Variants in LIMS2 observed in about 807,000 individuals in gnomAD.
The protein encoded by LIMS2 is LIM and senescent cell antigen-like-containing domain protein 2.
LIMS2 carries 30 observed loss-of-function variants against 45.3 expected under a neutral mutation model. The observed-to-expected ratio is 0.66, with a 90% CI of 0.50 to 0.90. The LOEUF (loss-of-function observed/expected upper bound fraction) is 0.90, where lower values mean the gene tolerates loss of function less well. Among genes scored for constraint, LIMS2 ranks in the 40% least tolerant of loss-of-function variants. LIMS2 has a pLI of 0.00. For synonymous variants in LIMS2, 173 were observed against 188.0 expected, an observed-to-expected ratio of 0.92 and a Z score of 0.65; for missense variants, 485 against 468.7, an observed-to-expected ratio of 1.03 and a Z score of -0.32.
chr2:127,640,334 G>C lies in LIMS2; in HGVS notation c.754-16C>G. ...CCCCGAAGAGCTGTGGGCCGAGCAGGCTGTCAGAGTAGCTGCAGGCAGTCA... is the reference window on the plus strand; with the variant it reads ...CCCCGAAGAGCTGTGGGCCGAGCAGCCTGTCAGAGTAGCTGCAGGCAGTCA... On this transcript the variant is annotated splice_polypyrimidine_tract_variant and intron_variant, in intron 7 of 9. Coordinates refer to ENST00000355119, the MANE Select transcript of LIMS2 (RefSeq NM_001161403.3). The C allele has an allele frequency of 6.2e-7, 1 of 1,611,938 alleles. No individual in the cohort carries two copies. The highest frequency in any genetic ancestry group is 1.3e-5 in the African/African-American group (1 of 75,020).
At position 127,651,862 on chromosome 2, in the gene LIMS2, C is replaced by T. The variant is rs534431195; in HGVS notation, c.359+2562G>A. The T allele has an allele frequency of 4.0e-6, 4 of 1,008,040 alleles. No homozygotes were observed. The East Asian group carries it at 1.0e-4, about 25-fold the overall frequency. The allele number at this position is 1,008,040 out of a possible 1,614,324, so 62.4% of individuals were successfully genotyped here. A position where few individuals can be genotyped will look rare whatever the true frequency, so the allele number is the denominator to read the frequency against. ...ACCTCCCCAGCAAGCAACCTGAAAT[C>T]TCAGCAGATGCCCACCATTTCTCTA... On this transcript the variant is annotated intron_variant, in intron 4 of 9. Transcript: ENST00000355119.
At chr2:127,650,677 T>C (rs1683655598) in intron 4 of LIMS2, 2 of 1,429,864 alleles carry the variant, frequency 1.4e-6, no homozygotes, top group East Asian at 2.3e-5. Flanking sequence ...GCTGCCTAGA[T>C]CGCAAGCTCA....
At chr2:127,678,181 C>T (rs928601335), upstream of LIMS2, among the ~76,000 whole-genome samples, 1 of 152,074 alleles carries the variant, frequency 6.6e-6, no homozygotes, top group Non-Finnish European at 1.5e-5. The surrounding 1 kb of genome is among the most constrained non-coding windows in gnomAD (Gnocchi z 5.3). Context: ...GTGGTGGATC[C>T]CCGTAGTCCC....
chr2:127,660,926 G>A (rs1684601152), intron 1 of LIMS2, among the ~76,000 whole-genome samples: 1 of 151,754 alleles, frequency 6.6e-6, no homozygotes, highest in Non-Finnish European at 1.5e-5. Flanking sequence ...CATAGGTGGG[G>A]GTGGGGGGGG....
At chr2:127,651,797 T>A in intron 4 of LIMS2, 2 of 1,566,480 alleles carry the variant, frequency 1.3e-6, no homozygotes, top group Non-Finnish European at 1.7e-6. Context: ...TGTTTAGGAC[T>A]CAGCAGACCC....
intron 7 of LIMS2, chr2:127,640,637 G>C: frequency 1.7e-6 from 1 of 597,610 alleles, no homozygotes; most frequent in Non-Finnish European, 3.0e-6. Context: ...AAGGGAGGGA[G>C]GGGGTTGCTG....
At chr2:127,639,712 C>T (rs560666974) in intron 9 of LIMS2, among the ~76,000 whole-genome samples, 3 of 152,226 alleles carry the variant, frequency 2.0e-5, no homozygotes, top group African/African-American at 7.2e-5. Flanking sequence ...TCTCCCAGCT[C>T]CAGCCATCCC....
At chr2:127,666,661 C>T (rs1685016944) in intron 1 of LIMS2, among the ~76,000 whole-genome samples, 1 of 142,504 alleles carries the variant, frequency 7.0e-6, no homozygotes, top group African/African-American at 2.7e-5. Flanking sequence ...TTAAGAACTT[C>T]ATGAGACTCG....
intron 4 of LIMS2, among the ~76,000 whole-genome samples, chr2:127,654,164 G>A (rs1206557337): frequency 6.6e-6 from 1 of 152,126 alleles, no homozygotes; most frequent in Non-Finnish European, 1.5e-5. Context: ...TAGATGGGGT[G>A]GCCAGGGGGG....
intron 1 of LIMS2, among the ~76,000 whole-genome samples, chr2:127,662,755 G>A (rs1684759649): frequency 6.6e-6 from 1 of 151,836 alleles, no homozygotes; most frequent in Non-Finnish European, 1.5e-5. Context: ...GAACAAACCT[G>A]CAGGTTGTGC....
chr2:127,660,207 T>A (rs1360452254), intron 1 of LIMS2, among the ~76,000 whole-genome samples: 1 of 152,124 alleles, frequency 6.6e-6, no homozygotes, highest in African/African-American at 2.4e-5. Flanking sequence ...CAATCAGCAC[T>A]CTATAAAATA....
chr2:127,659,269 T>C (rs573875339), intron 1 of LIMS2, among the ~76,000 whole-genome samples: 1 of 152,328 alleles, frequency 6.6e-6, no homozygotes, highest in Non-Finnish European at 1.5e-5. Flanking sequence ...TGGCCTGCCC[T>C]CTGGGGTGCT....
rs1683092219 is a variant in LIMS2, at chr2:127,647,262, C to T, written c.360-4190G>A. 6.6e-6 allele frequency among the ~76,000 whole-genome samples: 1 copy of T among 152,178 alleles called. No individual in the cohort carries two copies. The highest frequency in any genetic ancestry group is 6.5e-5 in the Admixed American group (1 of 15,286). ...CCCAGGGCCAGGAGGGGGTGCTGAG[C>T]CTGGGAGACAACTCCATGGCAAACT... On this transcript the variant is annotated intron_variant, in intron 4 of 9. Transcript: ENST00000355119. This position sits in a 1 kb window ranked among gnomAD's most constrained non-coding sequence, Gnocchi z 4.3.
chr2:127,667,496 C>A lies in LIMS2; in HGVS notation c.11+7518G>T, dbSNP rs1290795958. On this transcript the variant is annotated intron_variant, in intron 1 of 9. Coordinates refer to ENST00000355119, the MANE Select transcript of LIMS2 (RefSeq NM_001161403.3). This position sits in a 1 kb window ranked among gnomAD's most constrained non-coding sequence, Gnocchi z 4.1. ...AACACTCTATAAAAAGTATTATACA[C>A]CGTGACCAAATGGGATTTATCCCAA... is the stretch of plus-strand genomic sequence containing the variant. Among the ~76,000 whole-genome samples, 2 of 152,200 alleles carry A rather than the reference C, an allele frequency of 1.3e-5. No homozygotes were observed. The highest frequency in any genetic ancestry group is 6.5e-5 in the Admixed American group (1 of 15,280).
intron 1 of LIMS2, among the ~76,000 whole-genome samples, chr2:127,663,902 C>T (rs1684839319): frequency 6.6e-6 from 1 of 152,202 alleles, no homozygotes; most frequent in Non-Finnish European, 1.5e-5. Context: ...ATCCTGAACC[C>T]CACTGCTGGA....
chr2:127,649,878 T>C, intron 4 of LIMS2: 1 of 732,060 alleles, frequency 1.4e-6, no homozygotes. Context: ...TGACGCTGGG[T>C]AAAATGGGTC....
At chr2:127,650,299 G>A in intron 4 of LIMS2, 1 of 576,950 alleles carries the variant, frequency 1.7e-6, no homozygotes, top group East Asian at 2.9e-5. Flanking sequence ...TGGAATCCCG[G>A]AGACACACTG....
chr2:127,664,412 T>A lies in LIMS2; in HGVS notation c.12-6850A>T, dbSNP rs560148948. The A allele has an allele frequency of 2.5e-6, 3 of 1,195,682 alleles. No homozygotes were observed. The highest frequency in any genetic ancestry group is 4.5e-5 in the Admixed American group (1 of 22,400). The allele number at this position is 1,195,682 out of a possible 1,614,324, so 74.1% of individuals were successfully genotyped here. A position where few individuals can be genotyped will look rare whatever the true frequency, so the allele number is the denominator to read the frequency against. On this transcript the variant is annotated intron_variant, in intron 1 of 9. Coordinates refer to ENST00000355119, the MANE Select transcript of LIMS2 (RefSeq NM_001161403.3). This position sits in a 1 kb window ranked among gnomAD's most constrained non-coding sequence, Gnocchi z 5.5. Reference sequence around the variant, plus strand: ...ATGGCGCGGGGCAGCCGCCTTGAGGTCGCGGGCGCGGGCCGCCTGGTGCAG... The same window carrying A: ...ATGGCGCGGGGCAGCCGCCTTGAGGACGCGGGCGCGGGCCGCCTGGTGCAG...
intron 1 of LIMS2, chr2:127,674,683 C>A: frequency 3.0e-6 from 3 of 985,464 alleles, no homozygotes; most frequent in Non-Finnish European, 3.6e-6. Context: ...ACCTTTGAAC[C>A]TTTTGCCCGT....
Sources: allele counts gnomAD v4.1 joint callset (sites outside exome capture counted in the v4.1 genomes callset), GRCh38; gene constraint gnomAD v4.1.1; non-coding constraint Gnocchi (gnomAD v3.1); transcripts MANE v1.5; gene names NCBI Gene and HGNC (gene_info 2026-07-23, HGNC 2026-07-21).